Variants in DCDC2 observed in about 807,000 individuals in gnomAD.
The protein encoded by DCDC2 is doublecortin domain-containing protein 2.
A neutral mutation model predicts 50.2 loss-of-function variants in DCDC2; 40 were observed. That is an observed-to-expected ratio of 0.80 (90% CI 0.62 to 1.04). The LOEUF (loss-of-function observed/expected upper bound fraction) is 1.04. Among genes scored for constraint, DCDC2 ranks in the 50% least tolerant of loss-of-function variants. The pLI is 0.00. For synonymous variants in DCDC2, 234 were observed against 210.6 expected (o/e 1.11, Z -0.96); for missense variants, 570 against 581.9 (o/e 0.98, Z 0.21).
intron 4 of DCDC2, among the ~76,000 whole-genome samples, chr6:24,296,882 A>G (rs995375069): frequency 6.6e-6 from 1 of 152,230 alleles, no homozygotes; most frequent in Admixed American, 6.5e-5. Context: ...AACTAGTTCA[A>G]TCATTGTGGA....
At chr6:24,198,985 CAGAA>C (rs367809962) in intron 8 of DCDC2, among the ~76,000 whole-genome samples, 20 of 152,298 alleles carry the variant, frequency 1.3e-4, no homozygotes, top group African/African-American at 4.8e-4. Flanking sequence ...TAGGGCATCT[CAGAA>C]AGAGAGGCAG....
chr6:24,206,374 G>T (rs1761718578), intron 7 of DCDC2, among the ~76,000 whole-genome samples: 1 of 151,442 alleles, frequency 6.6e-6, no homozygotes, highest in South Asian at 2.1e-4. Context: ...AGGAATGAAG[G>T]AAAGAAGGAA....
intron 6 of DCDC2, among the ~76,000 whole-genome samples, chr6:24,281,026 G>C (rs1466117356): frequency 6.6e-6 from 1 of 152,208 alleles, no homozygotes; most frequent in East Asian, 1.9e-4. Context: ...TACTCACAAA[G>C]GGGCACGACA....
intron 7 of DCDC2, among the ~76,000 whole-genome samples, chr6:24,233,208 C>T (rs1484975105): frequency 6.6e-6 from 1 of 152,208 alleles, no homozygotes; most frequent in Admixed American, 6.5e-5. Context: ...AATAGTCCTA[C>T]TGGCTTCACA....
intron 8 of DCDC2, among the ~76,000 whole-genome samples, chr6:24,204,028 A>C (rs1359530349): frequency 6.6e-6 from 1 of 152,222 alleles, no homozygotes; most frequent in Non-Finnish European, 1.5e-5. Flanking sequence ...CAACACTTTT[A>C]CACTGTTGGT....
chr6:24,358,924 T>TATATATTAC (rs1441255571), upstream of DCDC2, among the ~76,000 whole-genome samples: 3,562 of 55,476 alleles, frequency 0.064, 372 homozygotes, highest in East Asian at 0.34. Flanking sequence ...ATATATATTA[T>TATATATTAC]ATATTATATA....
chr6:24,240,317 G>A (rs1379774240), intron 7 of DCDC2, among the ~76,000 whole-genome samples: 2 of 152,102 alleles, frequency 1.3e-5, no homozygotes, highest in African/African-American at 4.8e-5. Flanking sequence ...AGAAGAGGCT[G>A]GAGTATTAAT....
In DCDC2 at chr6:24,178,625, G is replaced by C; in HGVS notation, c.1031C>G (p.Ala344Gly). 6.2e-7 allele frequency: 1 copy of C among 1,612,030 alleles called. No homozygotes were observed. The highest frequency in any genetic ancestry group is 8.5e-7 in the Non-Finnish European group (1 of 1,179,580). ...QVEVPVDQRPAEIVDEEEDGE... is the reference protein window; with the variant it reads ...QVEVPVDQRPGEIVDEEEDGE... Reference sequence around the variant, plus strand: ...ATCTTCTTCCTCGTCTACTATTTCTGCTGGCCTCTGATGGATCAAAAGGAA... The same window carrying C: ...ATCTTCTTCCTCGTCTACTATTTCTCCTGGCCTCTGATGGATCAAAAGGAA... The change falls in exon 9 of 10, where the codon GCA becomes GGA. Residue 344 changes from alanine (A) to glycine (G), a missense_variant. Coordinates refer to ENST00000378454, the MANE Select transcript of DCDC2 (RefSeq NM_016356.5).
chr6:24,215,234 T>C (rs956856114), intron 7 of DCDC2, among the ~76,000 whole-genome samples: 3 of 152,150 alleles, frequency 2.0e-5, no homozygotes, highest in African/African-American at 7.2e-5. Flanking sequence ...AATCAGCATA[T>C]GCAAAGGCTT....
chr6:24,381,951 G>GGAAA, the DCDC2 span, among the ~76,000 whole-genome samples: 2 of 117,410 alleles, frequency 1.7e-5, no homozygotes, highest in Non-Finnish European at 3.5e-5. Flanking sequence ...AGAAGAAGAA[G>GGAAA]GAAAGAAAGA....
At chr6:24,290,846 A>C in intron 5 of DCDC2, 86 bp downstream of exon 5, 1 of 1,163,692 alleles carries the variant, frequency 8.6e-7, no homozygotes. Context: ...TATCAATTAC[A>C]TAAAATATAA....
At chr6:24,246,830 GGTT>G (rs151158708) in intron 7 of DCDC2, among the ~76,000 whole-genome samples, 3,627 of 151,994 alleles carry the variant, frequency 0.024, 126 homozygotes, top group African/African-American at 0.081. Flanking sequence ...AAAGACAGAG[GGTT>G]GTTGTTTTAA....
chr6:24,335,948 A>G (rs140038386), intron 2 of DCDC2, among the ~76,000 whole-genome samples: 53 of 152,306 alleles, frequency 3.5e-4, no homozygotes, highest in African/African-American at 1.1e-3. Flanking sequence ...GAGCCAAACC[A>G]TATCACCTAG....
rs192876841 is a variant in DCDC2, at chr6:24,210,232, T to C, written c.923-5130A>G. Among the ~76,000 whole-genome samples, 41 of 152,286 alleles carry C rather than the reference T, an allele frequency of 2.7e-4. No homozygotes were observed. In the East Asian group the frequency reaches 6.9e-3, roughly 26 times the overall value. ...TCTATCTACACACTTTCTAGATTAA[T>C]CTCATTTGAGTACCATCAATGTGCC... On this transcript the variant is annotated intron_variant, in intron 7 of 9. Coordinates refer to ENST00000378454, the MANE Select transcript of DCDC2 (RefSeq NM_016356.5).
At chr6:24,321,222 CT>C (rs1299574921) in intron 2 of DCDC2, among the ~76,000 whole-genome samples, 1 of 103,066 alleles carries the variant, frequency 9.7e-6, no homozygotes, top group African/African-American at 3.4e-5. Context: ...AGAAAATCAC[CT>C]TTTGGTAAAC....
At position 24,335,314 on chromosome 6, in the gene DCDC2, G is replaced by C. The variant is rs79152041; in HGVS notation, c.348+18255C>G. Among the ~76,000 whole-genome samples, 1,230 of 152,308 alleles carry C rather than the reference G, an allele frequency of 8.1e-3. 17 individuals carry two copies. The highest frequency in any genetic ancestry group is 0.027 in the African/African-American group (1,140 of 41,554). ...TAGGATGCGATAACTAAAGAGACTT[G>C]AGGTTGCCTCCTCCTGAAGAGGAGG... On this transcript the variant is annotated intron_variant, in intron 2 of 9. Transcript: ENST00000378454.
At chr6:24,254,379 G>A (rs1339541775) in intron 7 of DCDC2, among the ~76,000 whole-genome samples, 1 of 152,042 alleles carries the variant, frequency 6.6e-6, no homozygotes, top group Non-Finnish European at 1.5e-5. Flanking sequence ...GCTTTTATAT[G>A]ACTGGCAGCA....
At chr6:24,369,124 ACT>A in the DCDC2 span, among the ~76,000 whole-genome samples, 18 of 114,186 alleles carry the variant, frequency 1.6e-4, no homozygotes, top group African/African-American at 5.9e-4. Flanking sequence ...AAAGAGTAAG[ACT>A]CTGTCTCAAA....
chr6:24,374,133 G>A, the DCDC2 span, among the ~76,000 whole-genome samples: 16 of 144,218 alleles, frequency 1.1e-4, no homozygotes, highest in African/African-American at 3.1e-4. Context: ...CTGAACTCCA[G>A]CCTGGGCGAC....
Sources: allele counts gnomAD v4.1 joint callset (sites outside exome capture counted in the v4.1 genomes callset), GRCh38; gene constraint gnomAD v4.1.1; transcripts MANE v1.5; gene names NCBI Gene and HGNC (gene_info 2026-07-23, HGNC 2026-07-21).